The following PTPRT variants were observed in gnomAD, a reference collection of about 807,000 sequenced individuals.
The protein encoded by PTPRT is protein tyrosine phosphatase receptor type T.
Under a neutral mutation model 176.8 loss-of-function variants are expected in PTPRT, and 56 were observed. The observed-to-expected ratio is 0.32, with a 90% CI of 0.26 to 0.40. The LOEUF is 0.40. Ranked by LOEUF, PTPRT falls within the 10% of genes least tolerant of loss-of-function variation. The pLI is 1.00. For synonymous variants in PTPRT, 783 were observed against 739.0 expected (o/e 1.06, Z -0.96); for missense variants, 1,540 against 1,908.2 (o/e 0.81, Z 3.60).
At chr20:43,116,811 C>T (rs1231438709) in intron 1 of PTPRT, among the ~76,000 whole-genome samples, 1 of 152,192 alleles carries the variant, frequency 6.6e-6, no homozygotes, top group Non-Finnish European at 1.5e-5. Context: ...GCACATACCA[C>T]TACTGAATAT....
intron 7 of PTPRT, among the ~76,000 whole-genome samples, chr20:42,499,267 C>G (rs115001494): frequency 6.6e-6 from 1 of 151,104 alleles, no homozygotes; most frequent in Admixed American, 6.6e-5. Flanking sequence ...CATGTACAGT[C>G]TGTATATGTG....
chr20:42,111,249 C>G (rs1986976313), intron 22 of PTPRT, among the ~76,000 whole-genome samples: 1 of 152,190 alleles, frequency 6.6e-6, no homozygotes, highest in African/African-American at 2.4e-5. Context: ...TTCTACTTAG[C>G]AATCTCCTGC....
At chr20:42,197,411 C>A in intron 16 of PTPRT, among the ~76,000 whole-genome samples, 1 of 128,314 alleles carries the variant, frequency 7.8e-6, no homozygotes, top group Middle Eastern at 4.3e-3. Flanking sequence ...AGTCAGTATC[C>A]TGAAAGAAAA....
chr20:42,184,595 C>CTTCTTCTTCTTCTTCTTCTTCTTCCTCT, intron 16 of PTPRT, among the ~76,000 whole-genome samples: 1 of 29,428 alleles, frequency 3.4e-5, no homozygotes, highest in Non-Finnish European at 8.8e-5. Context: ...CTTCTTCTTC[C>CTTCTTCTTCTTCTTCTTCTTCTTCCTCT]TCTTCTTCTT....
chr20:42,707,554 T>G (rs1429818576), intron 6 of PTPRT, among the ~76,000 whole-genome samples: 2 of 151,594 alleles, frequency 1.3e-5, no homozygotes, highest in Non-Finnish European at 2.9e-5. Flanking sequence ...TGACAAAGAA[T>G]GTGTGTGGCC....
At chr20:42,100,316 C>A (rs1330432751) in intron 26 of PTPRT, among the ~76,000 whole-genome samples, 1 of 152,250 alleles carries the variant, frequency 6.6e-6, no homozygotes, top group African/African-American at 2.4e-5. Context: ...TGGATAACAT[C>A]ATCCTTTACC....
At chr20:42,050,727 G>A in the PTPRT span, among the ~76,000 whole-genome samples, 8 of 152,200 alleles carry the variant, frequency 5.3e-5, no homozygotes, top group African/African-American at 1.9e-4. Flanking sequence ...GACCAGAACA[G>A]GAGAAGAGGT....
intron 1 of PTPRT, among the ~76,000 whole-genome samples, chr20:43,069,190 T>C (rs1181735711): frequency 6.6e-6 from 1 of 152,050 alleles, no homozygotes; most frequent in African/African-American, 2.4e-5. Context: ...TGAGCTCCCT[T>C]CCCAAAATTC....
intron 9 of PTPRT, among the ~76,000 whole-genome samples, chr20:42,442,987 T>G (rs1417739678): frequency 1.3e-5 from 2 of 152,208 alleles, no homozygotes; most frequent in African/African-American, 4.8e-5. Flanking sequence ...ATCCACACCC[T>G]GATTAGGGAA....
At chr20:42,663,088 G>A (rs1178302088) in intron 7 of PTPRT, among the ~76,000 whole-genome samples, 2 of 151,948 alleles carry the variant, frequency 1.3e-5, no homozygotes, top group Non-Finnish European at 2.9e-5. Flanking sequence ...GGGCAGATAG[G>A]TTAAAATACA....
downstream of PTPRT, among the ~76,000 whole-genome samples, chr20:42,070,156 G>A (rs1236982035): frequency 6.6e-6 from 1 of 151,972 alleles, no homozygotes; most frequent in Non-Finnish European, 1.5e-5. Flanking sequence ...CCCTGTCAGA[G>A]GGAATCAAAT....
intron 1 of PTPRT, among the ~76,000 whole-genome samples, chr20:43,031,998 T>G (rs574394403): frequency 3.9e-5 from 6 of 152,106 alleles, no homozygotes; most frequent in Non-Finnish European, 8.8e-5. Context: ...GACTGGGCAA[T>G]AGGTGACCTG....
chr20:42,498,068 G>A (rs1043438059), intron 7 of PTPRT, among the ~76,000 whole-genome samples: 3 of 151,982 alleles, frequency 2.0e-5, no homozygotes, highest in Admixed American at 6.6e-5. Flanking sequence ...TGGGTATCAC[G>A]GTGTTTTTCA....
intron 12 of PTPRT, among the ~76,000 whole-genome samples, chr20:42,314,526 C>CA (rs386393782): frequency 0.028 from 2,904 of 102,128 alleles, 93 homozygotes; most frequent in African/African-American, 0.077. Flanking sequence ...GAGACTGTGT[C>CA]AAAAAAAAAA....
At chr20:43,082,376 A>G (rs931298114) in intron 1 of PTPRT, among the ~76,000 whole-genome samples, 1 of 152,070 alleles carries the variant, frequency 6.6e-6, no homozygotes, top group Admixed American at 6.5e-5. Context: ...TATGATTTCC[A>G]TGGTTGCCCT....
At chr20:42,246,908 T>C (rs1167383153) in intron 14 of PTPRT, among the ~76,000 whole-genome samples, 3 of 152,190 alleles carry the variant, frequency 2.0e-5, no homozygotes, top group African/African-American at 7.2e-5. Flanking sequence ...AAGAAACATT[T>C]CAGTGATCTT....
intron 7 of PTPRT, among the ~76,000 whole-genome samples, chr20:42,502,483 A>G (rs1272515617): frequency 6.6e-6 from 1 of 151,640 alleles, no homozygotes; most frequent in Non-Finnish European, 1.5e-5. Flanking sequence ...ATTGGAATAT[A>G]TTTTGCACGT....
chr20:42,156,684 A>C (rs990375388), intron 17 of PTPRT, among the ~76,000 whole-genome samples: 2 of 152,248 alleles, frequency 1.3e-5, no homozygotes, highest in South Asian at 4.1e-4. Context: ...CCAGTGGCAC[A>C]AACAACAGCC....
chr20:42,350,916 G>A (rs1171484438), intron 10 of PTPRT, among the ~76,000 whole-genome samples, 186 bp from the exon 11 acceptor site: 2 of 152,184 alleles, frequency 1.3e-5, no homozygotes, highest in Non-Finnish European at 2.9e-5. Context: ...CCCATAGTAG[G>A]TTTCTTCAAG....
Sources: gnomAD v4.1 joint callset for allele counts (sites outside exome capture counted in the v4.1 genomes callset) on GRCh38, gnomAD v4.1.1 for gene constraint, MANE v1.5 for transcripts, NCBI Gene and HGNC (gene_info 2026-07-23, HGNC 2026-07-21) for gene names.